Variants in COQ8A observed in about 807,000 individuals in gnomAD.
COQ8A encodes coenzyme Q8A.
COQ8A carries 51 observed loss-of-function variants against 65.0 expected under a neutral mutation model. The ratio of observed to expected loss-of-function variants is 0.78; its 90% CI spans 0.63 to 0.99. The LOEUF (loss-of-function observed/expected upper bound fraction) is 0.99. Ranked by LOEUF, COQ8A falls within the 50% of genes least tolerant of loss-of-function variation. The pLI, the probability that COQ8A is intolerant of heterozygous loss-of-function variation, is 0.00. For synonymous variants in COQ8A, 371 were observed against 353.2 expected (o/e 1.05, Z -0.57); for missense variants, 940 against 875.0 (o/e 1.07, Z -0.94).
At chr1:226,942,181 A>G (rs1413082453) in intron 1 of COQ8A, among the ~76,000 whole-genome samples, 1 of 152,038 alleles carries the variant, frequency 6.6e-6, no homozygotes, top group Non-Finnish European at 1.5e-5. Flanking sequence ...GTAAAACTCT[A>G]AAAAGAGTTG....
chr1:226,977,385 G>A (rs1164618772), intron 4 of COQ8A, 64 bp from the exon 5 acceptor site: 1 of 1,493,676 alleles, frequency 6.7e-7, no homozygotes, highest in Non-Finnish European at 9.1e-7. Flanking sequence ...AGGCCTTGTG[G>A]GTGGGCGAGC....
At chr1:226,971,171 C>T (rs910855115) in intron 4 of COQ8A, among the ~76,000 whole-genome samples, 1 of 152,002 alleles carries the variant, frequency 6.6e-6, no homozygotes, top group Non-Finnish European at 1.5e-5. Context: ...GAACTCCTGA[C>T]CTCAGGTGAT....
chr1:226,967,940 G>A (rs900346783), intron 4 of COQ8A, among the ~76,000 whole-genome samples: 4 of 152,356 alleles, frequency 2.6e-5, no homozygotes, highest in Middle Eastern at 3.4e-3. Context: ...AGAACGTGCC[G>A]TTCTGGCCCT....
intron 4 of COQ8A, among the ~76,000 whole-genome samples, chr1:226,968,298 G>A (rs1426229887): frequency 6.6e-6 from 1 of 152,146 alleles, no homozygotes; most frequent in Non-Finnish European, 1.5e-5. Flanking sequence ...TTGCGCCACT[G>A]CACTCCAGTG....
In COQ8A at chr1:226,949,107, C is replaced by A. The variant is rs1280183215; in HGVS notation, c.-10+8708C>A. Among the ~76,000 whole-genome samples the A allele has an allele frequency of 6.6e-6, 1 of 151,904 alleles. No homozygotes were observed. The highest frequency in any genetic ancestry group is 6.6e-5 in the Admixed American group (1 of 15,252). Reference sequence around the variant, plus strand: ...CACCCTTGGCTAATGGGTGGGTTTTCAGACGTACAGAGATGAAGGGGCGAG... The same window carrying A: ...CACCCTTGGCTAATGGGTGGGTTTTAAGACGTACAGAGATGAAGGGGCGAG... On this transcript the variant is annotated intron_variant, in intron 1 of 14. Coordinates refer to ENST00000366777, the MANE Select transcript of COQ8A (RefSeq NM_020247.5). This position sits in a 1 kb window ranked among gnomAD's most constrained non-coding sequence, Gnocchi z 4.0.
At chr1:226,959,245 G>A (rs1318735280) in intron 1 of COQ8A, among the ~76,000 whole-genome samples, 1 of 152,096 alleles carries the variant, frequency 6.6e-6, no homozygotes, top group Non-Finnish European at 1.5e-5. Flanking sequence ...CTCCCTTGCA[G>A]AAAAATACCT....
At chr1:226,983,266 G>A (rs942439937) in intron 8 of COQ8A, 38 of 702,188 alleles carry the variant, frequency 5.4e-5, no homozygotes, top group Non-Finnish European at 7.2e-5. Flanking sequence ...GCTTGATTTG[G>A]GGTGGGCAAG....
intron 13 of COQ8A, 68 bp from the exon 14 acceptor site, chr1:226,985,186 G>T: frequency 6.5e-7 from 1 of 1,547,670 alleles, no homozygotes; most frequent in South Asian, 1.1e-5. Flanking sequence ...TGTGGCACTT[G>T]GCTCCCTGGG....
chr1:226,952,276 G>A (rs992680550), intron 1 of COQ8A, among the ~76,000 whole-genome samples: 2 of 152,220 alleles, frequency 1.3e-5, no homozygotes, highest in Admixed American at 1.3e-4. Flanking sequence ...CAATGTTTAT[G>A]CCATTCCAAT....
At chr1:226,960,203 T>TTGGTGG (rs757516723) in intron 1 of COQ8A, among the ~76,000 whole-genome samples, 1 of 141,762 alleles carries the variant, frequency 7.1e-6, no homozygotes. Flanking sequence ...GTGGTGGTAC[T>TTGGTGG]TGGTGGTGGT....
intron 6 of COQ8A, 37 bp from the exon 7 acceptor site, chr1:226,982,640 TC>T: frequency 1.2e-6 from 2 of 1,606,192 alleles, no homozygotes; most frequent in Non-Finnish European, 1.7e-6. Flanking sequence ...CACACTTTAA[TC>T]CCCAGGTTCG....
At chr1:226,956,094 ACACT>A (rs1657726094) in intron 1 of COQ8A, among the ~76,000 whole-genome samples, 2 of 80,688 alleles carry the variant, frequency 2.5e-5, no homozygotes, top group South Asian at 8.6e-4. Flanking sequence ...TCCCTGGTTC[ACACT>A]CTCCCTGGCT....
Position 226,986,734 on chromosome 1 carries a change from G to T in COQ8A, c.1941G>T (p.Gln647His), listed in dbSNP as rs1018503187. 2.5e-6 allele frequency: 4 copies of T among 1,612,450 alleles called. No individual in the cohort carries two copies. Among genetic ancestry groups the T allele is most frequent in the African/African-American group, 1.3e-5 (1 of 74,934 alleles). The change falls in exon 15 of 15, where the codon CAG becomes CAT. Residue 647 changes from glutamine to histidine, a missense_variant. Physicochemically the swap from Gln to His is conservative, Grantham distance 24. Coordinates refer to ENST00000366777, the MANE Select transcript of COQ8A (RefSeq NM_020247.5). ...YSNYCKRQAQ[Q>H] ...ACTACTGCAAGAGGCAGGCCCAGCAGTAGGGCTGCGGGCCACGCCCAGGCC... is the reference window on the plus strand; with the variant it reads ...ACTACTGCAAGAGGCAGGCCCAGCATTAGGGCTGCGGGCCACGCCCAGGCC...
rs7545723 is a variant in COQ8A at position 226,986,569 on chromosome 1, C to T, written c.1776C>T (p.Pro592=). ...CCGAGAAGATCCACAACCTGATTCC[C>T]GTCATGCTGAGGCACCGTCTCGTCC... ...STTEKIHNLI[P]VMLRHRLVPP... is the part of the protein sequence containing the mutation. The change falls in exon 15 of 15, where the codon CCC becomes CCT. Residue 592 remains proline (P), a synonymous_variant. Coordinates refer to ENST00000366777, the MANE Select transcript of COQ8A (RefSeq NM_020247.5). 2.4e-5 allele frequency: 39 copies of T among 1,613,918 alleles called. No homozygotes were observed. In the East Asian group the frequency reaches 3.1e-4, roughly 13 times the overall value.
intron 5 of COQ8A, among the ~76,000 whole-genome samples, chr1:226,980,665 C>G (rs1199658076): frequency 1.3e-5 from 2 of 152,254 alleles, no homozygotes; most frequent in African/African-American, 4.8e-5. Flanking sequence ...ATAGCTCAGC[C>G]TCCCAGGGCA....
chr1:226,980,089 G>A (rs531130195), intron 5 of COQ8A, among the ~76,000 whole-genome samples: 117 of 152,340 alleles, frequency 7.7e-4, no homozygotes, highest in Non-Finnish European at 1.5e-3. Context: ...GAGTGGGGTG[G>A]CCCTGGGCAG....
At chr1:226,956,599 C>T (rs1290372798) in intron 1 of COQ8A, among the ~76,000 whole-genome samples, 1 of 81,038 alleles carries the variant, frequency 1.2e-5, no homozygotes, top group African/African-American at 5.8e-5. Flanking sequence ...CCCTGGTTCA[C>T]ACTCTCCCTG....
Position 226,965,043 on chromosome 1 carries a change from G to A in COQ8A, c.221G>A (p.Gly74Asp). Residue 74 changes from glycine (G) to aspartate (D), a missense_variant, in exon 3 of 15, where the codon GGC (glycine) becomes GAC (aspartate). Gly to Asp is a moderately conservative substitution (Grantham distance 94). Coordinates refer to ENST00000366777, the MANE Select transcript of COQ8A (RefSeq NM_020247.5). ...HEEYFAENFG[G>D]PEGEFHFSVP... ...GAATATTTTGCTGAGAACTTCGGCG[G>A]CCCAGAAGGGGAGTTCCACTTCTCA... 3 of 1,614,046 alleles carry A rather than the reference G, an allele frequency of 1.9e-6. No individual in the cohort carries two copies. The highest frequency in any genetic ancestry group is 2.5e-6 in the Non-Finnish European group (3 of 1,180,036).
intron 3 of COQ8A, 116 bp from the exon 4 acceptor site, chr1:226,965,555 T>C: frequency 6.7e-7 from 1 of 1,501,494 alleles, no homozygotes; most frequent in Middle Eastern, 1.7e-4. Flanking sequence ...GAGTGTGCTG[T>C]CAGGCGGAGC....
Sources: gnomAD v4.1 joint callset for allele counts (sites outside exome capture counted in the v4.1 genomes callset) on GRCh38, gnomAD v4.1.1 for gene constraint, Gnocchi (gnomAD v3.1) non-coding constraint, MANE v1.5 for transcripts, NCBI Gene and HGNC (gene_info 2026-07-23, HGNC 2026-07-21) for gene names.